WNT7B: variants seen among roughly 807,000 people sequenced by gnomAD.
WNT7B encodes Wnt family member 7B.
WNT7B carries 19 observed loss-of-function variants against 38.2 expected under a neutral mutation model. That is an observed-to-expected ratio of 0.50 (90% CI 0.35 to 0.73). The LOEUF is 0.73. Among genes scored for constraint, WNT7B ranks in the 30% least tolerant of loss-of-function variants. The probability of loss-of-function intolerance (pLI) is 0.01; values close to 1 mark genes in which losing one functional copy is unlikely to be tolerated. For synonymous variants in WNT7B, 243 were observed against 209.3 expected (o/e 1.16, Z -1.39); for missense variants, 423 against 507.9 (o/e 0.83, Z 1.61).
intron 1 of WNT7B, among the ~76,000 whole-genome samples, chr22:45,955,299 G>A (rs1325236421): frequency 1.3e-5 from 2 of 152,244 alleles, no homozygotes; most frequent in African/African-American, 4.8e-5. Flanking sequence ...AGGGGTGACT[G>A]GGATGGGCCC....
Position 45,975,568 on chromosome 22 carries a change from G to A in WNT7B, c.71+1116C>T. ...ACCTGTAAAATGGCGGGGCAGACATGGGATGGAGGGTGATGGAGAGACGAT... is the reference window on the plus strand; with the variant it reads ...ACCTGTAAAATGGCGGGGCAGACATAGGATGGAGGGTGATGGAGAGACGAT... On this transcript the variant is annotated intron_variant, in intron 1 of 3. Transcript: ENST00000339464. This position sits in a 1 kb window ranked among gnomAD's most constrained non-coding sequence, Gnocchi z 6.6. 1.4e-6 allele frequency: 1 copy of A among 717,092 alleles called. No homozygotes were observed. The highest frequency in any genetic ancestry group is 1.5e-5 in the South Asian group (1 of 67,560). The allele number at this position is 717,092 out of a possible 1,614,324, so 44.4% of individuals were successfully genotyped here.
At chr22:45,947,478 A>G (rs1931823897) in intron 2 of WNT7B, among the ~76,000 whole-genome samples, 1 of 152,202 alleles carries the variant, frequency 6.6e-6, no homozygotes, top group Non-Finnish European at 1.5e-5. Context: ...TGGGGACAGG[A>G]GATTTAAGTA....
intron 3 of WNT7B, chr22:45,926,500 C>G: frequency 1.0e-6 from 1 of 985,410 alleles, no homozygotes; most frequent in African/African-American, 1.7e-5. Context: ...TACAGCCAGG[C>G]AGGGGAGTCA....
At chr22:45,949,542 G>A (rs1931879168) in intron 2 of WNT7B, among the ~76,000 whole-genome samples, 1 of 152,040 alleles carries the variant, frequency 6.6e-6, no homozygotes, top group South Asian at 2.1e-4. Context: ...TGCCAGAAGA[G>A]GTAACGTGCC....
At chr22:45,971,975 G>A (rs908494345) in intron 1 of WNT7B, among the ~76,000 whole-genome samples, 1 of 152,160 alleles carries the variant, frequency 6.6e-6, no homozygotes, top group East Asian at 1.9e-4. Flanking sequence ...CCCGCCAAGT[G>A]CTCCACCTCG....
chr22:45,971,573 C>T (rs954393622), intron 1 of WNT7B, among the ~76,000 whole-genome samples: 2 of 152,218 alleles, frequency 1.3e-5, no homozygotes, highest in African/African-American at 2.4e-5. Context: ...GCGTCCTCCT[C>T]GCCCCCAGGT....
intron 3 of WNT7B, chr22:45,926,567 C>A (rs1015756289): frequency 2.0e-6 from 2 of 985,380 alleles, no homozygotes; most frequent in Non-Finnish European, 2.4e-6. Flanking sequence ...AGGAGCCTGG[C>A]GTCCGATATT....
intron 3 of WNT7B, chr22:45,926,524 C>A (rs749069414): frequency 3.0e-4 from 292 of 985,310 alleles, no homozygotes; most frequent in Non-Finnish European, 3.4e-4. Context: ...GGTTGGTGGA[C>A]TAAAGTCCTT....
At chr22:45,937,306 G>T (rs1404441173) in intron 2 of WNT7B, among the ~76,000 whole-genome samples, 3 of 152,236 alleles carry the variant, frequency 2.0e-5, no homozygotes, top group African/African-American at 7.2e-5. Flanking sequence ...GAAGCAAGGG[G>T]GAGGCTCAGA....
intron 3 of WNT7B, 51 bp downstream of exon 3, chr22:45,931,047 G>C (rs779260629): frequency 3.3e-6 from 5 of 1,516,202 alleles, no homozygotes; most frequent in South Asian, 2.6e-5. Context: ...AGGTCAGCGG[G>C]TGATACAGCG....
rs1931845141 is a variant in WNT7B, at chr22:45,948,309, C to A, written c.298+1611G>T. 2.0e-5 allele frequency among the ~76,000 whole-genome samples: 3 copies of A among 152,314 alleles called. No individual in the cohort carries two copies. In the South Asian group the frequency reaches 6.2e-4, roughly 32 times the overall value. On this transcript the variant is annotated intron_variant, in intron 2 of 3. Coordinates refer to ENST00000339464, the MANE Select transcript of WNT7B (RefSeq NM_058238.3). ...GCAGCCCTGCCTGCCACAGCTGGCA[C>A]CTGGAGGGAGGGAACTGCACTTGGG...
At chr22:45,972,628 G>C (rs557709593) in intron 1 of WNT7B, 1 of 152,766 alleles carries the variant, frequency 6.5e-6, no homozygotes. Context: ...CTCCTCCCCC[G>C]GCGGGTTTTT....
At chr22:45,959,018 T>C (rs28485404) in intron 1 of WNT7B, among the ~76,000 whole-genome samples, 26,484 of 152,190 alleles carry the variant, frequency 0.17, 2,654 homozygotes, top group African/African-American at 0.27. Context: ...GGGTCCAGGA[T>C]GGCAGAACCC....
rs1263529656 is a variant in WNT7B at position 45,966,041 on chromosome 22, C to T, written c.71+10643G>A. Among the ~76,000 whole-genome samples, 2 of 152,186 alleles carry T rather than the reference C, an allele frequency of 1.3e-5. No homozygotes were observed. The highest frequency in any genetic ancestry group is 3.9e-4 in the East Asian group (2 of 5,190). ...GCACCCTGACCTCGTCTTCCTCACT[C>T]CACCACCTACCAAGGCAGACGGGCC... On this transcript the variant is annotated intron_variant, in intron 1 of 3. Transcript: ENST00000339464. The surrounding 1 kb of genome is among the most constrained non-coding windows in gnomAD (Gnocchi z 4.2).
At chr22:45,971,720 G>T (rs1932444203) in intron 1 of WNT7B, among the ~76,000 whole-genome samples, 1 of 152,216 alleles carries the variant, frequency 6.6e-6, no homozygotes, top group Non-Finnish European at 1.5e-5. Flanking sequence ...TTGCACGAGG[G>T]AGCGGGTGTG....
At chr22:45,930,146 C>G (rs146475176) in intron 3 of WNT7B, among the ~76,000 whole-genome samples, 2 of 152,246 alleles carry the variant, frequency 1.3e-5, no homozygotes, top group African/African-American at 4.8e-5. Context: ...AAGCCCTCAC[C>G]GTCCTGGGTG....
At chr22:45,940,325 G>A (rs562043437) in intron 2 of WNT7B, among the ~76,000 whole-genome samples, 7 of 152,190 alleles carry the variant, frequency 4.6e-5, no homozygotes, top group Non-Finnish European at 7.4e-5. Flanking sequence ...ACACCGAGCC[G>A]GGATCTGACC....
At chr22:45,939,376 G>A (rs1306610175) in intron 2 of WNT7B, among the ~76,000 whole-genome samples, 3 of 152,190 alleles carry the variant, frequency 2.0e-5, no homozygotes, top group Admixed American at 2.0e-4. Context: ...GCCCAAGGTA[G>A]AAACAACCCA....
At chr22:45,957,703 A>AAAAAAAAAAAAC (rs1569122268) in intron 1 of WNT7B, among the ~76,000 whole-genome samples, 3 of 146,102 alleles carry the variant, frequency 2.1e-5, no homozygotes, top group African/African-American at 7.8e-5. Context: ...AAAAAAAAAA[A>AAAAAAAAAAAAC]AAAAAAAAAC....
Sources: gnomAD v4.1 joint callset for allele counts (sites outside exome capture counted in the v4.1 genomes callset) on GRCh38, gnomAD v4.1.1 for gene constraint, Gnocchi (gnomAD v3.1) non-coding constraint, MANE v1.5 for transcripts, NCBI Gene and HGNC (gene_info 2026-07-23, HGNC 2026-07-21) for gene names.